The following RNF111 variants were observed in gnomAD, a reference collection of about 807,000 sequenced individuals.
The protein encoded by RNF111 is E3 ubiquitin-protein ligase Arkadia.
Under a neutral mutation model 95.1 loss-of-function variants are expected in RNF111, and 17 were observed. That is an observed-to-expected ratio of 0.18 (90% CI 0.12 to 0.27). The LOEUF (loss-of-function observed/expected upper bound fraction) is 0.27. RNF111 is among the 10% of genes least tolerant of loss of function. The pLI, the probability that RNF111 is intolerant of heterozygous loss-of-function variation, is 1.00. For synonymous variants in RNF111, 440 were observed against 414.8 expected, an observed-to-expected ratio of 1.06 and a Z score of -0.74; for missense variants, 1,189 against 1,210.4, an observed-to-expected ratio of 0.98 and a Z score of 0.26.
At chr15:59,050,906 G>A (rs2041948779) in intron 2 of RNF111, among the ~76,000 whole-genome samples, 1 of 152,058 alleles carries the variant, frequency 6.6e-6, no homozygotes, top group African/African-American at 2.4e-5. Flanking sequence ...AATTAGAGGA[G>A]GTATCAAAAA....
chr15:59,001,740 A>G (rs996971373), intron 1 of RNF111, among the ~76,000 whole-genome samples: 8 of 152,230 alleles, frequency 5.3e-5, no homozygotes, highest in Non-Finnish European at 1.0e-4. Context: ...CAAAACATAC[A>G]TTATCATGGG....
intron 1 of RNF111, among the ~76,000 whole-genome samples, chr15:58,999,021 AT>A (rs1412937795): frequency 2.0e-5 from 3 of 152,212 alleles, no homozygotes; most frequent in Non-Finnish European, 4.4e-5. Context: ...CCACATTGCA[AT>A]TAAGTTCAAA....
chr15:59,094,360 A>G lies in RNF111; in HGVS notation c.2844-423A>G, dbSNP rs146762281. On this transcript the variant is annotated intron_variant, in intron 13 of 13. Coordinates refer to ENST00000348370, the MANE Select transcript of RNF111 (RefSeq NM_017610.8). The stretch of plus-strand genomic sequence containing the variant: ...TGAATTGTAATGTTTTTGAGAGAGA[A>G]TTAAATGATGTAATAAATATATATT... 4.2e-3 allele frequency among the ~76,000 whole-genome samples: 636 copies of G among 152,328 alleles called. 9 individuals are homozygous for G. The highest frequency in any genetic ancestry group is 0.014 in the African/African-American group (599 of 41,576).
At chr15:59,016,153 T>A (rs948206794) in intron 1 of RNF111, among the ~76,000 whole-genome samples, 13 of 149,400 alleles carry the variant, frequency 8.7e-5, no homozygotes, top group African/African-American at 1.5e-4. Flanking sequence ...GGTTAAAAAA[T>A]ATATATATGT....
chr15:59,032,475 A>G (rs1343523004), intron 2 of RNF111, among the ~76,000 whole-genome samples: 1 of 152,096 alleles, frequency 6.6e-6, no homozygotes, highest in Non-Finnish European at 1.5e-5. Flanking sequence ...AGGCTGGAGT[A>G]TAGTGATGCA....
At chr15:59,017,070 T>A (rs532911419) in intron 1 of RNF111, among the ~76,000 whole-genome samples, 1 of 151,678 alleles carries the variant, frequency 6.6e-6, no homozygotes, top group African/African-American at 2.4e-5. Context: ...TTGTATAATA[T>A]TATATATTGC....
intron 13 of RNF111, among the ~76,000 whole-genome samples, chr15:59,094,151 T>C (rs6494069): frequency 0.39 from 60,024 of 151,964 alleles, 13,799 homozygotes; most frequent in African/African-American, 0.63. Flanking sequence ...TCCTTTTAAC[T>C]TACCTGTTAA....
intron 4 of RNF111, among the ~76,000 whole-genome samples, chr15:59,057,388 TA>T (rs2142003364): frequency 6.6e-6 from 1 of 152,334 alleles, no homozygotes; most frequent in African/African-American, 2.4e-5. Flanking sequence ...GTGTCCCATA[TA>T]GATTCACAGG....
chr15:59,079,766 T>G (rs191341411), intron 7 of RNF111, among the ~76,000 whole-genome samples: 23 of 152,130 alleles, frequency 1.5e-4, no homozygotes. Flanking sequence ...AGATGTAGAA[T>G]GAAGAAATGG....
chr15:59,028,157 C>T (rs1196907131), intron 1 of RNF111, among the ~76,000 whole-genome samples: 4 of 152,166 alleles, frequency 2.6e-5, no homozygotes, highest in Non-Finnish European at 5.9e-5. Context: ...TTGAATCCTC[C>T]GATGATCCCC....
At chr15:59,015,776 A>C (rs2040036200) in intron 1 of RNF111, among the ~76,000 whole-genome samples, 1 of 152,068 alleles carries the variant, frequency 6.6e-6, no homozygotes, top group Non-Finnish European at 1.5e-5. Context: ...TTTCTTTATG[A>C]AGCCATTATC....
chr15:59,089,762 A>G lies in RNF111; in HGVS notation c.2643+3A>G, dbSNP rs755662516. 1 of 1,577,416 alleles carries G rather than the reference A, an allele frequency of 6.3e-7. No homozygotes were observed. The highest frequency in any genetic ancestry group is 8.7e-7 in the Non-Finnish European group (1 of 1,146,864). On this transcript the variant is annotated splice_donor_region_variant and intron_variant, in intron 11 of 13. Coordinates refer to ENST00000348370, the MANE Select transcript of RNF111 (RefSeq NM_017610.8). ...GTCCTTTCAGGGGCAATTTTGAGGT[A>G]TGTAATAAAATAAATGAATATGTTT...
At chr15:59,003,639 C>T (rs145948168) in intron 1 of RNF111, among the ~76,000 whole-genome samples, 172 of 152,314 alleles carry the variant, frequency 1.1e-3, no homozygotes, top group African/African-American at 3.9e-3. Flanking sequence ...TGAGCTCAAG[C>T]GATCTGCCTG....
intron 2 of RNF111, among the ~76,000 whole-genome samples, chr15:59,040,324 T>C (rs1450969969): frequency 1.3e-5 from 2 of 152,000 alleles, no homozygotes; most frequent in Non-Finnish European, 2.9e-5. Flanking sequence ...GATGAGATCT[T>C]CTTAACGTTG....
chr15:58,999,418 C>G (rs1369493868), intron 1 of RNF111, among the ~76,000 whole-genome samples: 1 of 152,156 alleles, frequency 6.6e-6, no homozygotes, highest in African/African-American at 2.4e-5. Context: ...TCACTGCAAT[C>G]TCCGCCCCCC....
At chr15:59,067,200 TTC>T (rs1454056381) in intron 6 of RNF111, 117 bp downstream of exon 6, 1 of 884,170 alleles carries the variant, frequency 1.1e-6, no homozygotes, top group Admixed American at 2.8e-5. Context: ...CTCCCTCCAT[TTC>T]TCTCCCTGCT....
At chr15:59,006,800 T>A (rs1172201833) in intron 1 of RNF111, among the ~76,000 whole-genome samples, 1 of 152,242 alleles carries the variant, frequency 6.6e-6, no homozygotes, top group East Asian at 1.9e-4. Flanking sequence ...TTATTTTTTT[T>A]CTTTGAGATG....
In RNF111 at chr15:59,096,473, AAAC is replaced by A. The variant is rs1286314969; in HGVS notation, c.*1575_*1577del. ...AGTTTTTATAAAAACAGTTTACATTAAACATCTTGGAATTCAACAATAGTGATC... is the reference window on the plus strand; with the variant it reads ...AGTTTTTATAAAAACAGTTTACATTAATCTTGGAATTCAACAATAGTGATC... On this transcript the variant is annotated 3_prime_UTR_variant, in exon 14 of 14. Coordinates refer to ENST00000348370, the MANE Select transcript of RNF111 (RefSeq NM_017610.8). 14 of 162,854 alleles carry A rather than the reference AAAC, an allele frequency of 8.6e-5. 1 individual carries two copies. Among genetic ancestry groups the A allele is most frequent in the Non-Finnish European group, 1.6e-4 (12 of 75,246 alleles). 10.1% of individuals were successfully genotyped at this position (162,854 alleles called of 1,614,324 possible).
chr15:59,006,285 A>G (rs1262230902), intron 1 of RNF111, among the ~76,000 whole-genome samples: 9 of 152,244 alleles, frequency 5.9e-5, no homozygotes, highest in African/African-American at 2.2e-4. Flanking sequence ...GTGTCTGTCC[A>G]TGCAGTTAGC....
Sources: gnomAD v4.1 joint callset for allele counts (sites outside exome capture counted in the v4.1 genomes callset) on GRCh38, gnomAD v4.1.1 for gene constraint, MANE v1.5 for transcripts, NCBI Gene and HGNC (gene_info 2026-07-23, HGNC 2026-07-21) for gene names.